The following NRCAM variants were observed in gnomAD, a reference collection of about 807,000 sequenced individuals.
The protein encoded by NRCAM is NgCAM-related cell adhesion molecule.
Under a neutral mutation model 156.5 loss-of-function variants are expected in NRCAM, and 83 were observed. The ratio of observed to expected loss-of-function variants is 0.53; its 90% CI spans 0.44 to 0.64. NRCAM has a LOEUF of 0.64. Ranked by LOEUF, NRCAM falls within the 30% of genes least tolerant of loss-of-function variation. NRCAM has a pLI of 0.00. For synonymous variants in NRCAM, 538 were observed against 563.9 expected (o/e 0.95, Z 0.65); for missense variants, 1,417 against 1,597.3 (o/e 0.89, Z 1.92).
intron 1 of NRCAM, among the ~76,000 whole-genome samples, chr7:108,413,286 T>C (rs1797666214): frequency 6.6e-6 from 1 of 152,236 alleles, no homozygotes; most frequent in Admixed American, 6.5e-5. Flanking sequence ...GATTAGTATG[T>C]TGAGCACTTT....
chr7:108,259,653 C>A (rs1442228886), intron 3 of NRCAM, among the ~76,000 whole-genome samples: 6 of 152,144 alleles, frequency 3.9e-5, no homozygotes, highest in South Asian at 4.1e-4. Flanking sequence ...CAATGGAATA[C>A]TATGCAGCCA....
Position 108,364,728 on chromosome 7 carries a change from C to CAA in NRCAM, c.-174+34706_-174+34707dup, listed in dbSNP as rs34574826. Reference sequence around the variant, plus strand: ...GAACCTTAAAAACATTACGCTAAGTCAAAAAAAAAAAAGACAGTTAAAAAA... The same window carrying CAA: ...GAACCTTAAAAACATTACGCTAAGTCAAAAAAAAAAAAAAGACAGTTAAAAAA... On this transcript the variant is annotated intron_variant, in intron 2 of 32. Transcript: ENST00000379028. Among the ~76,000 whole-genome samples, 885 of 132,474 alleles carry CAA rather than the reference C, an allele frequency of 6.7e-3. 7 individuals carry two copies. Among genetic ancestry groups the CAA allele is most frequent in the African/African-American group, 0.023 (818 of 35,386 alleles). 86.9% of individuals were successfully genotyped at this position (132,474 alleles called of 152,430 possible).
chr7:108,193,883 A>G, intron 17 of NRCAM, 141 bp downstream of exon 17: 1 of 764,958 alleles, frequency 1.3e-6, no homozygotes, highest in Non-Finnish European at 2.0e-6. Flanking sequence ...CAGTAGGGAG[A>G]AAATGCTTAT....
intron 1 of NRCAM, among the ~76,000 whole-genome samples, chr7:108,442,179 A>T (rs1354325269): frequency 2.0e-5 from 3 of 152,108 alleles, no homozygotes; most frequent in African/African-American, 7.2e-5. Context: ...GAGGTGGCTG[A>T]GGTGGTATGA....
At chr7:108,179,218 G>T (rs1563282124) in intron 25 of NRCAM, among the ~76,000 whole-genome samples, 2 of 152,146 alleles carry the variant, frequency 1.3e-5, no homozygotes, top group Admixed American at 1.3e-4. Context: ...CCCATTCATT[G>T]TCTCCCTAAG....
Position 108,191,720 on chromosome 7 carries a change from C to G in NRCAM, c.1903+9G>C. 6.3e-7 allele frequency: 1 copy of G among 1,576,460 alleles called. No homozygotes were observed. The highest frequency in any genetic ancestry group is 8.6e-7 in the Non-Finnish European group (1 of 1,158,604). On this transcript the variant is annotated intron_variant, in intron 18 of 32. Coordinates refer to ENST00000379028, the MANE Select transcript of NRCAM (RefSeq NM_001037132.4). ...AAGCCAGTTGTGCTATTTTTGTTTTCGTTCTTACCAACAACGCTAAGCACA... is the reference window on the plus strand; with the variant it reads ...AAGCCAGTTGTGCTATTTTTGTTTTGGTTCTTACCAACAACGCTAAGCACA...
intron 3 of NRCAM, among the ~76,000 whole-genome samples, chr7:108,277,577 C>G (rs1456708603): frequency 6.6e-6 from 1 of 152,004 alleles, no homozygotes; most frequent in Admixed American, 6.6e-5. Flanking sequence ...CTGTGGTTTT[C>G]AGCTCCATCA....
intron 2 of NRCAM, among the ~76,000 whole-genome samples, chr7:108,346,907 A>G (rs1313768421): frequency 6.6e-6 from 1 of 152,068 alleles, no homozygotes; most frequent in East Asian, 1.9e-4. Context: ...TCATATGTTT[A>G]ACACTTTAGA....
chr7:108,415,945 T>C (rs917279320), intron 1 of NRCAM, among the ~76,000 whole-genome samples: 19 of 152,218 alleles, frequency 1.2e-4, no homozygotes, highest in Non-Finnish European at 2.5e-4. Context: ...TTCCACATGG[T>C]TGCTCTTATG....
intron 1 of NRCAM, among the ~76,000 whole-genome samples, chr7:108,438,832 TAACA>T (rs1284755004): frequency 2.0e-5 from 3 of 152,218 alleles, no homozygotes; most frequent in African/African-American, 7.2e-5. Context: ...TATACATCAC[TAACA>T]AACGATCTAA....
intron 3 of NRCAM, among the ~76,000 whole-genome samples, chr7:108,293,512 A>G (rs1257780789): frequency 1.3e-5 from 2 of 152,160 alleles, no homozygotes; most frequent in African/African-American, 4.8e-5. Context: ...CGTCTCCCCT[A>G]ATTTAGTCAT....
intron 11 of NRCAM, among the ~76,000 whole-genome samples, chr7:108,215,985 G>A (rs2088422328): frequency 6.6e-6 from 1 of 152,120 alleles, no homozygotes; most frequent in African/African-American, 2.4e-5. Flanking sequence ...CGCGTTAGTT[G>A]ATGCAGTTTC....
At position 108,234,693 on chromosome 7, in the gene NRCAM, A is replaced by G; in HGVS notation, c.125-5T>C. The G allele has an allele frequency of 6.4e-7, 1 of 1,554,406 alleles. No homozygotes were observed. Among genetic ancestry groups the G allele is most frequent in the East Asian group, 2.2e-5 (1 of 44,592 alleles). On this transcript the variant is annotated splice_region_variant and splice_polypyrimidine_tract_variant and intron_variant, in intron 5 of 32. Coordinates refer to ENST00000379028, the MANE Select transcript of NRCAM (RefSeq NM_001037132.4). ...TGATGGTTGGAGGCTGTACCACTTA[A>G]TTGTAGAAAAAAAAAAATGTAAAAA...
chr7:108,173,413 A>G (rs969149286), intron 28 of NRCAM, among the ~76,000 whole-genome samples: 4 of 152,240 alleles, frequency 2.6e-5, no homozygotes, highest in African/African-American at 9.7e-5. Flanking sequence ...TTGGGAGGAT[A>G]GTGGAGAACT....
At chr7:108,430,561 G>A (rs577365341) in intron 1 of NRCAM, among the ~76,000 whole-genome samples, 5 of 152,308 alleles carry the variant, frequency 3.3e-5, no homozygotes, top group East Asian at 1.9e-4. Flanking sequence ...AGGCTGGGGA[G>A]AAGAGCAGGC....
intron 1 of NRCAM, among the ~76,000 whole-genome samples, chr7:108,434,696 G>A (rs967174482): frequency 9.2e-5 from 14 of 152,152 alleles, no homozygotes; most frequent in Non-Finnish European, 1.9e-4. Flanking sequence ...AAGCCTTATT[G>A]GCTGGAGGTA....
chr7:108,289,917 G>T (rs963414154), intron 3 of NRCAM, among the ~76,000 whole-genome samples: 1 of 152,030 alleles, frequency 6.6e-6, no homozygotes, highest in African/African-American at 2.4e-5. Flanking sequence ...TGCACACTAA[G>T]GTTTGAGAAC....
intron 1 of NRCAM, among the ~76,000 whole-genome samples, chr7:108,426,081 A>G (rs1050840521): frequency 5.3e-5 from 8 of 152,252 alleles, no homozygotes; most frequent in Non-Finnish European, 7.3e-5. Flanking sequence ...AGTACAGTGA[A>G]TGACTCCAGG....
intron 20 of NRCAM, among the ~76,000 whole-genome samples, chr7:108,188,379 CTGTGTG>C (rs71137612): frequency 3.3e-5 from 5 of 150,272 alleles, no homozygotes; most frequent in Non-Finnish European, 5.9e-5. Context: ...TCTGAGTCCT[CTGTGTG>C]TGTGTGTGTG....
Sources: gnomAD v4.1 joint callset for allele counts (sites outside exome capture counted in the v4.1 genomes callset) on GRCh38, gnomAD v4.1.1 for gene constraint, MANE v1.5 for transcripts, NCBI Gene and HGNC (gene_info 2026-07-23, HGNC 2026-07-21) for gene names.